The following PAK5 variants were observed in gnomAD, a reference collection of about 807,000 sequenced individuals.
The protein encoded by PAK5 is serine/threonine-protein kinase PAK 5.
In PAK5, 16 loss-of-function variants were observed where a neutral mutation model predicts 65.9. The observed-to-expected ratio is 0.24, with a 90% CI of 0.16 to 0.37. The LOEUF is 0.37. Ranked by LOEUF, PAK5 falls within the 10% of genes least tolerant of loss-of-function variation. The pLI, the probability that PAK5 is intolerant of heterozygous loss-of-function variation, is 1.00. For synonymous variants in PAK5, 371 were observed against 354.9 expected (o/e 1.05, Z -0.51); for missense variants, 785 against 903.9 (o/e 0.87, Z 1.69).
chr20:9,647,048 A>C (rs1362116021), intron 2 of PAK5, among the ~76,000 whole-genome samples: 1 of 152,258 alleles, frequency 6.6e-6, no homozygotes, highest in Non-Finnish European at 1.5e-5. Flanking sequence ...TAACATAACA[A>C]AAACCCTGAT....
chr20:9,750,297 A>G (rs1247776693), intron 1 of PAK5, among the ~76,000 whole-genome samples: 1 of 152,124 alleles, frequency 6.6e-6, no homozygotes, highest in Non-Finnish European at 1.5e-5. Context: ...GATAAAAGTG[A>G]CATCATTTTA....
chr20:9,714,319 C>A (rs2048115092), intron 1 of PAK5, among the ~76,000 whole-genome samples: 1 of 152,026 alleles, frequency 6.6e-6, no homozygotes, highest in African/African-American at 2.4e-5. Flanking sequence ...TTCCATTTTT[C>A]TCCTTGGATG....
In PAK5 at chr20:9,644,171, A is replaced by G; in HGVS notation, c.158T>C (p.Met53Thr). 1.9e-6 allele frequency: 3 copies of G among 1,612,696 alleles called. No homozygotes were observed. Among genetic ancestry groups the G allele is most frequent in the Non-Finnish European group, 2.5e-6 (3 of 1,179,662 alleles). The change falls in exon 3 of 10, where the codon ATG (methionine) becomes ACG (threonine). Residue 53 changes from methionine to threonine, a missense_variant. Physicochemically the swap from Met to Thr is moderately conservative, Grantham distance 81. Transcript: ENST00000353224. ...LADTANRPKP[M>T]VDPSCITPIQ... Reference sequence around the variant, plus strand: ...GGGTGTGATGCATGAAGGGTCCACCATAGGCTTTGGCCTGTTGGCCGTATC... The same window carrying G: ...GGGTGTGATGCATGAAGGGTCCACCGTAGGCTTTGGCCTGTTGGCCGTATC...
chr20:9,690,199 G>A (rs2047773468), intron 2 of PAK5, among the ~76,000 whole-genome samples: 1 of 152,194 alleles, frequency 6.6e-6, no homozygotes, highest in African/African-American at 2.4e-5. Context: ...AAAATGCCCA[G>A]TGGAGTTGTG....
chr20:9,750,757 T>G (rs764007740), intron 1 of PAK5, among the ~76,000 whole-genome samples: 15 of 152,124 alleles, frequency 9.9e-5, no homozygotes, highest in Non-Finnish European at 1.5e-4. Flanking sequence ...GATACATATG[T>G]GCTATTAAGG....
rs41275620 is a variant in PAK5, at chr20:9,542,732, A to G, written c.1870-12T>C. The G allele has an allele frequency of 0.098, 157,743 of 1,611,316 alleles. 10,173 individuals carry two copies. Among genetic ancestry groups the G allele is most frequent in the African/African-American group, 0.28 (21,205 of 74,862 alleles). On this transcript the variant is annotated splice_polypyrimidine_tract_variant and intron_variant, in intron 8 of 9. Coordinates refer to ENST00000353224, the MANE Select transcript of PAK5 (RefSeq NM_177990.4). ...GACCAGATGTCCACCTGTTAGGCAC[A>G]CCCTACTGGTTATCTCAGGCAAGGA... is the stretch of plus-strand genomic sequence containing the variant.
At chr20:9,685,481 G>A (rs1476770364) in intron 2 of PAK5, among the ~76,000 whole-genome samples, 1 of 152,174 alleles carries the variant, frequency 6.6e-6, no homozygotes. Context: ...CACAGGACAA[G>A]GAGAGTAAAA....
chr20:9,679,829 A>C (rs1017131079), intron 2 of PAK5, among the ~76,000 whole-genome samples: 2 of 152,250 alleles, frequency 1.3e-5, no homozygotes, highest in African/African-American at 4.8e-5. Flanking sequence ...GGCTGGCTCC[A>C]GGCAAAATTG....
At chr20:9,825,357 G>A (rs984129850) in intron 1 of PAK5, among the ~76,000 whole-genome samples, 13 of 151,960 alleles carry the variant, frequency 8.6e-5, no homozygotes, top group East Asian at 1.9e-4. Context: ...ATTCTTAGTT[G>A]CCCTGGGTGA....
At chr20:9,700,790 C>T (rs896487156) in intron 2 of PAK5, among the ~76,000 whole-genome samples, 9 of 152,174 alleles carry the variant, frequency 5.9e-5, no homozygotes, top group African/African-American at 1.7e-4. Flanking sequence ...AAGCTACATG[C>T]TGCATATTTG....
chr20:9,630,333 G>T (rs751024850), intron 3 of PAK5, among the ~76,000 whole-genome samples: 1 of 152,180 alleles, frequency 6.6e-6, no homozygotes, highest in Non-Finnish European at 1.5e-5. Context: ...GCAGTTACAC[G>T]AAGGGGTCTT....
At chr20:9,757,467 T>C (rs1186952220) in intron 1 of PAK5, among the ~76,000 whole-genome samples, 2 of 152,200 alleles carry the variant, frequency 1.3e-5, no homozygotes, top group Non-Finnish European at 1.5e-5. Flanking sequence ...TCTAGATATT[T>C]CATTGGTTTC....
At chr20:9,587,970 C>T (rs867824427) in intron 3 of PAK5, among the ~76,000 whole-genome samples, 21 of 151,972 alleles carry the variant, frequency 1.4e-4, no homozygotes, top group African/African-American at 4.4e-4. Flanking sequence ...ACATACATAG[C>T]GCTAAGTACG....
At chr20:9,750,470 T>C (rs1569072460) in intron 1 of PAK5, among the ~76,000 whole-genome samples, 1 of 152,146 alleles carries the variant, frequency 6.6e-6, no homozygotes, top group African/African-American at 2.4e-5. Flanking sequence ...CTGGGCAACA[T>C]AATTGTATAA....
chr20:9,610,665 G>A (rs539438991), intron 3 of PAK5, among the ~76,000 whole-genome samples: 5 of 152,092 alleles, frequency 3.3e-5, no homozygotes, highest in Admixed American at 1.3e-4. Flanking sequence ...ACATAGATGC[G>A]CTTGGATTTC....
At chr20:9,600,529 T>C (rs2046341303) in intron 3 of PAK5, among the ~76,000 whole-genome samples, 1 of 152,232 alleles carries the variant, frequency 6.6e-6, no homozygotes, top group Non-Finnish European at 1.5e-5. Flanking sequence ...AGTAATGTTT[T>C]GCAGTTTGAG....
intron 1 of PAK5, among the ~76,000 whole-genome samples, chr20:9,834,338 G>A (rs750897857): frequency 2.0e-5 from 3 of 152,136 alleles, no homozygotes; most frequent in Non-Finnish European, 4.4e-5. Context: ...GGCTCTGAAT[G>A]AGAGACATTA....
chr20:9,774,401 C>T (rs748921986), intron 1 of PAK5, among the ~76,000 whole-genome samples: 30 of 152,104 alleles, frequency 2.0e-4, no homozygotes, highest in Non-Finnish European at 8.8e-5. Context: ...GTTGGGGAGC[C>T]GCTGGACTTT....
At chr20:9,577,328 G>T (rs1371791166) in intron 4 of PAK5, 1 of 151,510 alleles carries the variant, frequency 6.6e-6, no homozygotes, top group African/African-American at 2.4e-5. Flanking sequence ...TTTTTTTTCT[G>T]TGGGTTAACA....
Sources: gnomAD v4.1 joint callset for allele counts (sites outside exome capture counted in the v4.1 genomes callset) on GRCh38, gnomAD v4.1.1 for gene constraint, MANE v1.5 for transcripts, NCBI Gene and HGNC (gene_info 2026-07-23, HGNC 2026-07-21) for gene names.